IMMP1L: variants seen among roughly 807,000 people sequenced by gnomAD.
IMMP1L encodes the protein inner mitochondrial membrane peptidase subunit 1.
Under a neutral mutation model 21.8 loss-of-function variants are expected in IMMP1L, and 24 were observed. The ratio of observed to expected loss-of-function variants is 1.10; its 90% CI spans 0.80 to 1.55. The LOEUF (loss-of-function observed/expected upper bound fraction) is 1.55. IMMP1L is among the 40% of genes most tolerant of loss of function. IMMP1L has a pLI of 0.00. For missense variants in IMMP1L, 195 were observed against 200.7 expected, an observed-to-expected ratio of 0.97 and a Z score of 0.17; for synonymous variants, 46 against 62.8, an observed-to-expected ratio of 0.73 and a Z score of 1.26.
intron 4 of IMMP1L, among the ~76,000 whole-genome samples, chr11:31,454,176 G>A (rs1170838758): frequency 6.6e-6 from 1 of 152,084 alleles, no homozygotes; most frequent in African/African-American, 2.4e-5. Context: ...TCCAACAAAA[G>A]TGAATGGAAT....
chr11:31,451,714 TTATAC>T (rs1328398623), intron 4 of IMMP1L, among the ~76,000 whole-genome samples: 33 of 152,054 alleles, frequency 2.2e-4, no homozygotes, highest in Non-Finnish European at 7.4e-5. Context: ...AGGGAAGAGG[TTATAC>T]TTGATATAAA....
intron 4 of IMMP1L, among the ~76,000 whole-genome samples, chr11:31,450,701 C>T (rs961345269): frequency 1.3e-5 from 2 of 152,062 alleles, no homozygotes; most frequent in African/African-American, 2.4e-5. Context: ...AGTTCAGCAG[C>T]GTGGTAGGCT....
chr11:31,462,386 G>GT, intron 2 of IMMP1L, among the ~76,000 whole-genome samples: 1 of 150,382 alleles, frequency 6.6e-6, no homozygotes. Flanking sequence ...TTAACTGGAG[G>GT]TTATGTGACT....
intron 1 of IMMP1L, among the ~76,000 whole-genome samples, chr11:31,499,321 C>T (rs1270455220): frequency 4.6e-5 from 7 of 151,874 alleles, no homozygotes; most frequent in African/African-American, 1.7e-4. Context: ...GCTGAGATCA[C>T]GTCATTGCAC....
chr11:31,490,730 C>G (rs1955227164), intron 1 of IMMP1L, among the ~76,000 whole-genome samples: 1 of 152,066 alleles, frequency 6.6e-6, no homozygotes, highest in Non-Finnish European at 1.5e-5. Flanking sequence ...CCCTTCCTGC[C>G]TCCCCTACCC....
At chr11:31,452,619 A>G (rs749859706) in intron 4 of IMMP1L, 1 of 985,926 alleles carries the variant, frequency 1.0e-6, no homozygotes, top group Non-Finnish European at 1.2e-6. Flanking sequence ...GCTTATGACA[A>G]TTTGTTTCTT....
chr11:31,490,467 T>C (rs1430657243), intron 1 of IMMP1L, among the ~76,000 whole-genome samples: 1 of 145,666 alleles, frequency 6.9e-6, no homozygotes, highest in African/African-American at 2.6e-5. Flanking sequence ...CGAGACTCCA[T>C]CTAAAAAAAA....
chr11:31,475,193 T>A (rs533159020), intron 1 of IMMP1L, among the ~76,000 whole-genome samples: 30 of 152,196 alleles, frequency 2.0e-4, no homozygotes, highest in Non-Finnish European at 3.5e-4. Flanking sequence ...ATAACCAAAA[T>A]TGAAACTCAC....
chr11:31,468,415 G>A (rs375733645), intron 1 of IMMP1L, among the ~76,000 whole-genome samples: 7 of 152,116 alleles, frequency 4.6e-5, no homozygotes, highest in East Asian at 1.9e-4. Context: ...ACACACATAC[G>A]GATATATTAC....
At chr11:31,456,736 T>C (rs561692955) in intron 3 of IMMP1L, among the ~76,000 whole-genome samples, 72 of 151,626 alleles carry the variant, frequency 4.7e-4, no homozygotes, top group African/African-American at 1.7e-3. Context: ...CAATTCTACA[T>C]AGGCCGGGTA....
At chr11:31,450,550 C>T (rs181484352) in intron 4 of IMMP1L, among the ~76,000 whole-genome samples, 81 of 152,314 alleles carry the variant, frequency 5.3e-4, no homozygotes, top group African/African-American at 1.9e-3. Flanking sequence ...GCACTCTGCT[C>T]TCCTGGTACA....
At chr11:31,452,667 C>A in intron 4 of IMMP1L, 1 of 988,610 alleles carries the variant, frequency 1.0e-6, no homozygotes, top group Non-Finnish European at 1.2e-6. Context: ...TTTACAGTAG[C>A]CAATGCTCAG....
At chr11:31,467,179 A>G (rs1472208408) in intron 1 of IMMP1L, among the ~76,000 whole-genome samples, 2 of 152,184 alleles carry the variant, frequency 1.3e-5, no homozygotes. Context: ...TGTGAGAAAA[A>G]GAAGTAACAA....
chr11:31,456,143 T>C (rs1953928370), intron 4 of IMMP1L, 117 bp downstream of exon 4: 3 of 624,774 alleles, frequency 4.8e-6, no homozygotes, highest in South Asian at 3.2e-5. Flanking sequence ...TAAATTCTAC[T>C]GGATGCCCTT....
At chr11:31,492,359 A>C (rs1241709885) in intron 1 of IMMP1L, among the ~76,000 whole-genome samples, 1 of 152,228 alleles carries the variant, frequency 6.6e-6, no homozygotes, top group Non-Finnish European at 1.5e-5. Context: ...TGAAAAAAAC[A>C]GGATCTTACT....
intron 1 of IMMP1L, among the ~76,000 whole-genome samples, chr11:31,469,138 T>TA (rs1173398929): frequency 6.6e-6 from 1 of 152,152 alleles, no homozygotes; most frequent in African/African-American, 2.4e-5. Context: ...CTTGCCCATT[T>TA]AAAAAATTGG....
intron 4 of IMMP1L, among the ~76,000 whole-genome samples, chr11:31,440,243 A>G (rs988463462): frequency 3.9e-5 from 6 of 152,174 alleles, no homozygotes; most frequent in African/African-American, 1.2e-4. Flanking sequence ...CTCAAGGATT[A>G]GTTTCATACT....
intron 1 of IMMP1L, among the ~76,000 whole-genome samples, chr11:31,476,379 G>A (rs1361594274): frequency 2.6e-5 from 4 of 151,742 alleles, no homozygotes; most frequent in Admixed American, 6.6e-5. Flanking sequence ...ACCAAACCCG[G>A]GAACTCTGTA....
chr11:31,463,103 AAC>A (rs1954206130), intron 2 of IMMP1L, 67 bp downstream of exon 2: 1 of 1,278,726 alleles, frequency 7.8e-7, no homozygotes, highest in Admixed American at 2.5e-5. Context: ...CAAAAGGAAA[AAC>A]ACACTTTCCT....
Sources: allele counts gnomAD v4.1 joint callset (sites outside exome capture counted in the v4.1 genomes callset), GRCh38; gene constraint gnomAD v4.1.1; transcripts MANE v1.5; gene names NCBI Gene and HGNC (gene_info 2026-07-23, HGNC 2026-07-21).